Variants in RPS6KB1 observed in about 807,000 individuals in gnomAD.
The protein encoded by RPS6KB1 is ribosomal protein S6 kinase beta-1.
In RPS6KB1, 12 loss-of-function variants were observed where a neutral mutation model predicts 70.2. The ratio of observed to expected loss-of-function variants is 0.17; its 90% CI spans 0.11 to 0.28. The LOEUF is 0.28. Ranked by LOEUF, RPS6KB1 falls within the 10% of genes least tolerant of loss-of-function variation. The probability of loss-of-function intolerance (pLI) is 1.00; values close to 1 mark genes in which losing one functional copy is unlikely to be tolerated. For missense variants in RPS6KB1, 270 were observed against 646.6 expected, an observed-to-expected ratio of 0.42 and a Z score of 6.32; for synonymous variants, 175 against 211.2, an observed-to-expected ratio of 0.83 and a Z score of 1.49.
Position 59,936,878 on chromosome 17 carries a change from A to G in RPS6KB1, c.1119+337A>G, listed in dbSNP as rs142764142. ...AGCATCTTTATTTTATTTTATTTTG[A>G]GATGGGGTCTCACTCTGTCACCCAG... On this transcript the variant is annotated intron_variant, in intron 12 of 14. Coordinates refer to ENST00000225577, the MANE Select transcript of RPS6KB1 (RefSeq NM_003161.4). Among the ~76,000 whole-genome samples, 549 of 152,210 alleles carry G rather than the reference A, an allele frequency of 3.6e-3. 6 individuals are homozygous for G. The highest frequency in any genetic ancestry group is 0.013 in the African/African-American group (526 of 41,516).
chr17:59,914,450 C>A lies in RPS6KB1; in HGVS notation c.313-185C>A, dbSNP rs142206039. 4.7e-3 allele frequency among the ~76,000 whole-genome samples: 718 copies of A among 152,190 alleles called. 4 individuals carry two copies. The highest frequency in any genetic ancestry group is 0.013 in the Admixed American group (191 of 15,272). On this transcript the variant is annotated intron_variant, in intron 3 of 14. Coordinates refer to ENST00000225577, the MANE Select transcript of RPS6KB1 (RefSeq NM_003161.4). ...GATGGTCATTGTCCAACATTACCAC[C>A]AGATGGCAGCAGAACAAACAGGAAA...
intron 12 of RPS6KB1, among the ~76,000 whole-genome samples, chr17:59,937,371 C>T (rs149445744): frequency 1.3e-5 from 2 of 152,186 alleles, no homozygotes; most frequent in Admixed American, 1.3e-4. Flanking sequence ...TGTGTGCATT[C>T]GTTTGCTAGG....
At position 59,893,401 on chromosome 17, in the gene RPS6KB1, C is replaced by T. The variant is rs1318659446; in HGVS notation, c.141+76C>T. On this transcript the variant is annotated intron_variant, in intron 1 of 14. Transcript: ENST00000225577. This position sits in a 1 kb window ranked among gnomAD's most constrained non-coding sequence, Gnocchi z 4.1. ...CGCGGGCTCAGGAAGCGCGGTGTGT[C>T]CTAGAGCGTGGAGACCCAGGGGGGC... is the stretch of plus-strand genomic sequence containing the variant. The T allele has an allele frequency of 6.9e-6, 10 of 1,455,368 alleles. No individual in the cohort carries two copies. Among genetic ancestry groups the T allele is most frequent in the African/African-American group, 1.4e-5 (1 of 71,014 alleles). 90.2% of individuals were successfully genotyped at this position (1,455,368 alleles called of 1,614,324 possible).
chr17:59,900,201 CA>C (rs2041832467), intron 1 of RPS6KB1, among the ~76,000 whole-genome samples: 1 of 150,034 alleles, frequency 6.7e-6, no homozygotes, highest in African/African-American at 2.4e-5. Flanking sequence ...CACACACACA[CA>C]CACACACACA....
intron 1 of RPS6KB1, among the ~76,000 whole-genome samples, chr17:59,902,614 G>A (rs182466596): frequency 5.0e-4 from 71 of 142,566 alleles, no homozygotes; most frequent in Middle Eastern, 3.8e-3. Context: ...GTCTCACTCC[G>A]TTGCCCATGC....
chr17:59,945,997 G>A (rs2044904712), intron 14 of RPS6KB1, among the ~76,000 whole-genome samples: 1 of 152,160 alleles, frequency 6.6e-6, no homozygotes, highest in Admixed American at 6.6e-5. Context: ...AAACAAGGGG[G>A]CTTCTACTCA....
rs566801378 is a variant in RPS6KB1, at chr17:59,950,478, C to T, written c.*3690C>T. 1 of 148,444 alleles carries T rather than the reference C, an allele frequency of 6.7e-6. No individual in the cohort carries two copies. Among genetic ancestry groups the T allele is most frequent in the African/African-American group, 2.5e-5 (1 of 39,524 alleles). The allele number at this position is 148,444 out of a possible 1,614,324, so 9.2% of individuals were successfully genotyped here. On this transcript the variant is annotated 3_prime_UTR_variant, in exon 15 of 15. Coordinates refer to ENST00000225577, the MANE Select transcript of RPS6KB1 (RefSeq NM_003161.4). ...TTAAAGATAGGAAGGAATTAGTATA[C>T]GTATCAGGTGTATAAATGGTTTAAA...
chr17:59,936,844 A>G lies in RPS6KB1; in HGVS notation c.1119+303A>G, dbSNP rs180522. On this transcript the variant is annotated intron_variant, in intron 12 of 14. Coordinates refer to ENST00000225577, the MANE Select transcript of RPS6KB1 (RefSeq NM_003161.4). The stretch of plus-strand genomic sequence containing the variant: ...TTAGCAGTTCAAAGATCTCTGGTCT[A>G]TCCTCTCCAGCATCTTTATTTTATT... 0.14 allele frequency among the ~76,000 whole-genome samples: 21,726 copies of G among 152,104 alleles called. 1,699 individuals carry two copies. The highest frequency in any genetic ancestry group is 0.19 in the Middle Eastern group (55 of 294).
chr17:59,907,514 A>G (rs2042342252), intron 1 of RPS6KB1: 2 of 150,924 alleles, frequency 1.3e-5, no homozygotes, highest in Non-Finnish European at 2.9e-5. Context: ...TATTGTTTTC[A>G]GTGTGTAAGT....
At chr17:59,926,911 T>C (rs1411509790) in intron 5 of RPS6KB1, among the ~76,000 whole-genome samples, 1 of 152,178 alleles carries the variant, frequency 6.6e-6, no homozygotes, top group Non-Finnish European at 1.5e-5. Context: ...ATTGGGAAGA[T>C]TATTTAACAT....
rs138199902 is a variant in RPS6KB1, at chr17:59,914,057, T to C, written c.313-578T>C. On this transcript the variant is annotated intron_variant, in intron 3 of 14. Coordinates refer to ENST00000225577, the MANE Select transcript of RPS6KB1 (RefSeq NM_003161.4). The stretch of plus-strand genomic sequence containing the variant: ...TTTATTGTTTTTTCCCCCAAATATT[T>C]TCATTCTGCGGTTGGTTGAATCCAC... 4.5e-4 allele frequency among the ~76,000 whole-genome samples: 68 copies of C among 152,306 alleles called. 3 individuals carry two copies. The East Asian group carries it at 0.012, about 27-fold the overall frequency.
chr17:59,938,831 T>G (rs2044410456), intron 12 of RPS6KB1, among the ~76,000 whole-genome samples: 1 of 151,836 alleles, frequency 6.6e-6, no homozygotes, highest in Non-Finnish European at 1.5e-5. Flanking sequence ...ATACACTGAT[T>G]GTCACAGGTT....
intron 4 of RPS6KB1, among the ~76,000 whole-genome samples, chr17:59,922,747 T>C (rs1449075492): frequency 6.6e-6 from 1 of 151,992 alleles, no homozygotes; most frequent in Non-Finnish European, 1.5e-5. Flanking sequence ...GGTTTCACCA[T>C]GTTGGCCAGG....
At chr17:59,915,279 G>A (rs1441079692) in intron 4 of RPS6KB1, among the ~76,000 whole-genome samples, 5 of 151,618 alleles carry the variant, frequency 3.3e-5, no homozygotes, top group African/African-American at 7.3e-5. Context: ...ATGAGCCACC[G>A]CACCCGGCAA....
chr17:59,894,642 T>A (rs953617416), intron 1 of RPS6KB1, among the ~76,000 whole-genome samples: 1 of 152,230 alleles, frequency 6.6e-6, no homozygotes, highest in African/African-American at 2.4e-5. Flanking sequence ...TCTCACTCTA[T>A]CACCCAGACT....
At chr17:59,906,118 C>T (rs945755324) in intron 1 of RPS6KB1, among the ~76,000 whole-genome samples, 1 of 152,168 alleles carries the variant, frequency 6.6e-6, no homozygotes, top group African/African-American at 2.4e-5. Context: ...GAAAGATTGC[C>T]TCTTGCCTAA....
intron 1 of RPS6KB1, among the ~76,000 whole-genome samples, chr17:59,901,954 G>A (rs948769466): frequency 7.0e-6 from 1 of 143,384 alleles, no homozygotes. Flanking sequence ...CCAAGGTTGA[G>A]TTTGCCGTGA....
intron 4 of RPS6KB1, 82 bp downstream of exon 4, chr17:59,914,785 A>G (rs1192031180): frequency 5.9e-6 from 4 of 681,572 alleles, no homozygotes; most frequent in African/African-American, 4.7e-5. Flanking sequence ...AAGCAATCAT[A>G]TCATATTTTT....
intron 7 of RPS6KB1, among the ~76,000 whole-genome samples, chr17:59,932,198 A>T (rs1407847477): frequency 1.3e-5 from 2 of 151,852 alleles, no homozygotes; most frequent in Non-Finnish European, 2.9e-5. Context: ...TGAGGTCAGG[A>T]GTTCAAGACG....
Sources: allele counts gnomAD v4.1 joint callset (sites outside exome capture counted in the v4.1 genomes callset), GRCh38; gene constraint gnomAD v4.1.1; non-coding constraint Gnocchi (gnomAD v3.1); transcripts MANE v1.5; gene names NCBI Gene and HGNC (gene_info 2026-07-23, HGNC 2026-07-21).